The following DIS3L2 variants were observed in gnomAD, a reference collection of about 807,000 sequenced individuals.
DIS3L2 encodes DIS3 like 3'-5' exoribonuclease 2, also known as DIS3-like exonuclease 2.
In DIS3L2, 34 loss-of-function variants were observed where a neutral mutation model predicts 97.5. The observed-to-expected ratio is 0.35, with a 90% CI of 0.27 to 0.46. DIS3L2 has a LOEUF of 0.46. Among genes scored for constraint, DIS3L2 ranks in the 20% least tolerant of loss-of-function variants. The pLI is 1.00. For missense variants in DIS3L2, 1,038 were observed against 1,146.0 expected (o/e 0.91, Z 1.36); for synonymous variants, 435 against 445.2 (o/e 0.98, Z 0.29).
intron 13 of DIS3L2, among the ~76,000 whole-genome samples, chr2:232,271,395 A>T (rs1328932763): frequency 6.6e-6 from 1 of 152,210 alleles, no homozygotes; most frequent in Non-Finnish European, 1.5e-5. Context: ...AATCCAGTTG[A>T]AAACAGAATC....
chr2:231,970,355 G>A (rs1028335167), intron 1 of DIS3L2, among the ~76,000 whole-genome samples: 1 of 152,178 alleles, frequency 6.6e-6, no homozygotes, highest in Non-Finnish European at 1.5e-5. Context: ...AGGTAATTTT[G>A]TTGTGCAAAC....
At chr2:232,120,442 C>G (rs182813115) in intron 6 of DIS3L2, among the ~76,000 whole-genome samples, 208 of 152,272 alleles carry the variant, frequency 1.4e-3, no homozygotes, top group African/African-American at 4.9e-3. Context: ...ATGATAATCC[C>G]TGCCTACCAC....
intron 9 of DIS3L2, among the ~76,000 whole-genome samples, chr2:232,201,482 T>C (rs1459338400): frequency 6.6e-6 from 1 of 152,230 alleles, no homozygotes; most frequent in Non-Finnish European, 1.5e-5. Flanking sequence ...AAAAGCAATG[T>C]TATATTTGAA....
chr2:232,128,451 ATTT>A (rs10682281), intron 6 of DIS3L2, among the ~76,000 whole-genome samples: 773 of 71,626 alleles, frequency 0.011, 1 homozygote, highest in Non-Finnish European at 0.015. Flanking sequence ...AACTTTGCTA[ATTT>A]TTTTTTTTTT....
At chr2:232,082,204 T>C (rs1214648187) in intron 5 of DIS3L2, among the ~76,000 whole-genome samples, 10 of 152,226 alleles carry the variant, frequency 6.6e-5, no homozygotes, top group Admixed American at 2.0e-4. Context: ...TCTTTTCTTA[T>C]GTGTTTTAGG....
intron 1 of DIS3L2, among the ~76,000 whole-genome samples, chr2:232,010,281 C>G (rs1209355370): frequency 3.3e-5 from 5 of 152,076 alleles, no homozygotes; most frequent in African/African-American, 1.2e-4. Context: ...CCCTTTCTCT[C>G]TATCTTTCAT....
intron 5 of DIS3L2, among the ~76,000 whole-genome samples, chr2:232,054,285 G>A (rs1017290815): frequency 1.3e-5 from 2 of 152,084 alleles, no homozygotes; most frequent in Non-Finnish European, 2.9e-5. Flanking sequence ...ATAACATAGT[G>A]TACTGTCCTC....
chr2:232,333,141 C>T (rs1181279692), intron 16 of DIS3L2, among the ~76,000 whole-genome samples: 2 of 151,194 alleles, frequency 1.3e-5, no homozygotes, highest in East Asian at 2.0e-4. Flanking sequence ...CCACCTCCTC[C>T]TTCCACCACC....
rs890035543 is a variant in DIS3L2, at chr2:232,010,532, T to C, written c.-93-4303T>C. The stretch of plus-strand genomic sequence containing the variant: ...ATTTTAATTTTGCCCTCTTTTTTTT[T>C]CTTAATCAATAGTCATCTTTTGCTT... On this transcript the variant is annotated intron_variant, in intron 1 of 20. Coordinates refer to ENST00000325385, the MANE Select transcript of DIS3L2 (RefSeq NM_152383.5). Among the ~76,000 whole-genome samples, 5 of 152,206 alleles carry C rather than the reference T, an allele frequency of 3.3e-5. No individual in the cohort carries two copies. In the East Asian group the frequency reaches 9.6e-4, roughly 29 times the overall value.
chr2:232,251,870 G>A (rs1007356591), intron 12 of DIS3L2, among the ~76,000 whole-genome samples: 2 of 152,128 alleles, frequency 1.3e-5, no homozygotes, highest in Non-Finnish European at 2.9e-5. Flanking sequence ...GACATACAAG[G>A]CTTCAACAAA....
Position 232,007,302 on chromosome 2 carries a change from G to A in DIS3L2, c.-93-7533G>A, listed in dbSNP as rs184352833. On this transcript the variant is annotated intron_variant, in intron 1 of 20. Coordinates refer to ENST00000325385, the MANE Select transcript of DIS3L2 (RefSeq NM_152383.5). ...TGCAGGTATGGAGAAGTTTTGTCTG[G>A]GAGAAGAGTGAGTCCATATAGGAGA... Among the ~76,000 whole-genome samples, 130 of 152,288 alleles carry A rather than the reference G, an allele frequency of 8.5e-4. 1 individual carries two copies. Among genetic ancestry groups the A allele is most frequent in the Non-Finnish European group, 8.4e-4 (57 of 68,018 alleles).
intron 9 of DIS3L2, among the ~76,000 whole-genome samples, chr2:232,205,687 A>G (rs1234726733): frequency 6.6e-6 from 1 of 152,312 alleles, no homozygotes; most frequent in East Asian, 1.9e-4. Flanking sequence ...GTTAGTTCAC[A>G]AAGTGCAAAC....
chr2:232,337,220 G>A (rs977283525), downstream of DIS3L2: 2 of 900,002 alleles, frequency 2.2e-6, no homozygotes, highest in Non-Finnish European at 2.6e-6. Context: ...TCACCCTGAC[G>A]AATGTGACTG....
Position 232,018,958 on chromosome 2 carries a change from A to G in DIS3L2, c.210+3287A>G, listed in dbSNP as rs1250353723. 2.0e-5 allele frequency among the ~76,000 whole-genome samples: 3 copies of G among 152,138 alleles called. No individual in the cohort carries two copies. In the East Asian group the frequency reaches 5.8e-4, roughly 29 times the overall value. On this transcript the variant is annotated intron_variant, in intron 3 of 20. Coordinates refer to ENST00000325385, the MANE Select transcript of DIS3L2 (RefSeq NM_152383.5). ...ATAGGTAGAGTACTGAGAGGTTGTTATAGGAGATGTTGGGAGAGATTAGAG... is the reference window on the plus strand; with the variant it reads ...ATAGGTAGAGTACTGAGAGGTTGTTGTAGGAGATGTTGGGAGAGATTAGAG...
At chr2:232,327,314 C>A (rs1303025417) in intron 14 of DIS3L2, among the ~76,000 whole-genome samples, 1 of 152,220 alleles carries the variant, frequency 6.6e-6, no homozygotes, top group Non-Finnish European at 1.5e-5. Context: ...AGCCCAGGGT[C>A]GGGCCTAAGG....
chr2:231,972,037 T>C (rs530992628), intron 1 of DIS3L2, among the ~76,000 whole-genome samples: 7 of 151,562 alleles, frequency 4.6e-5, no homozygotes, highest in Admixed American at 2.0e-4. Flanking sequence ...ATACAAAAAT[T>C]AGCAGGGCGT....
At chr2:232,161,769 C>T (rs1690659993) in intron 8 of DIS3L2, among the ~76,000 whole-genome samples, 1 of 150,068 alleles carries the variant, frequency 6.7e-6, no homozygotes, top group Admixed American at 6.7e-5. Context: ...CCGTGCCTGA[C>T]CCCAGTTCAA....
intron 5 of DIS3L2, among the ~76,000 whole-genome samples, chr2:232,073,338 G>A (rs1352030850): frequency 6.6e-6 from 1 of 152,158 alleles, no homozygotes; most frequent in Non-Finnish European, 1.5e-5. Flanking sequence ...AGGTAGTGGG[G>A]TGGACAGGGC....
chr2:232,081,485 C>A (rs1264744437), intron 5 of DIS3L2, among the ~76,000 whole-genome samples: 1 of 80,852 alleles, frequency 1.2e-5, no homozygotes, highest in Non-Finnish European at 3.0e-5. Context: ...ATACCGAAAG[C>A]CTTTTTTTTT....
Sources: allele counts gnomAD v4.1 joint callset (sites outside exome capture counted in the v4.1 genomes callset), GRCh38; gene constraint gnomAD v4.1.1; transcripts MANE v1.5; gene names NCBI Gene and HGNC (gene_info 2026-07-23, HGNC 2026-07-21).